EFR3B: variants seen among roughly 807,000 people sequenced by gnomAD.
EFR3B encodes EFR3 homolog B, also known as protein EFR3 homolog B.
EFR3B carries 64 observed loss-of-function variants against 104.7 expected under a neutral mutation model. That is an observed-to-expected ratio of 0.61 (90% CI 0.50 to 0.75). EFR3B has a LOEUF of 0.75. Ranked by LOEUF, EFR3B falls within the 30% of genes least tolerant of loss-of-function variation. The pLI is 0.00. For synonymous variants in EFR3B, 385 were observed against 417.9 expected (o/e 0.92, Z 0.96); for missense variants, 750 against 1,078.5 (o/e 0.70, Z 4.27).
intron 1 of EFR3B, among the ~76,000 whole-genome samples, chr2:25,057,645 G>A (rs952853715): frequency 3.3e-5 from 5 of 152,212 alleles, no homozygotes; most frequent in South Asian, 4.2e-4. Flanking sequence ...AGCTGGGCAC[G>A]GTGGCACATG....
At chr2:25,121,502 C>T (rs1043900051) in intron 4 of EFR3B, among the ~76,000 whole-genome samples, 171 bp from the exon 5 acceptor site, 4 of 152,120 alleles carry the variant, frequency 2.6e-5, no homozygotes, top group Admixed American at 6.5e-5. Context: ...ACAGGAGAGG[C>T]GAGCGGGATT....
At position 25,123,016 on chromosome 2, in the gene EFR3B, C is replaced by G. The variant is rs1558611043; in HGVS notation, c.485+1222C>G. 2.6e-5 allele frequency among the ~76,000 whole-genome samples: 4 copies of G among 152,170 alleles called. No homozygotes were observed. In the South Asian group the frequency reaches 6.2e-4, roughly 24 times the overall value. ...ACACATACTCCAATTTATAAAAACA[C>G]TTAGCTCACAGAAGCATACTTGGAC... On this transcript the variant is annotated intron_variant, in intron 5 of 22. Transcript: ENST00000403714.
At chr2:25,142,159 C>A (rs549336005) in intron 17 of EFR3B, among the ~76,000 whole-genome samples, 1 of 151,412 alleles carries the variant, frequency 6.6e-6, no homozygotes, top group Non-Finnish European at 1.5e-5. Flanking sequence ...AAATTTTGCC[C>A]GGGCTGGGCA....
At chr2:25,099,951 C>T (rs1018941272) in intron 3 of EFR3B, among the ~76,000 whole-genome samples, 1 of 151,828 alleles carries the variant, frequency 6.6e-6, no homozygotes, top group Non-Finnish European at 1.5e-5. Context: ...ACCTGTAACC[C>T]GAGCAATTTG....
intron 2 of EFR3B, among the ~76,000 whole-genome samples, chr2:25,092,515 A>C (rs1048846230): frequency 6.6e-6 from 1 of 151,834 alleles, no homozygotes; most frequent in East Asian, 1.9e-4. Flanking sequence ...ACATGCACAC[A>C]CATATATACA....
At chr2:25,050,348 G>A (rs1667832025) in intron 1 of EFR3B, among the ~76,000 whole-genome samples, 1 of 152,128 alleles carries the variant, frequency 6.6e-6, no homozygotes, top group African/African-American at 2.4e-5. Context: ...AGCCACAGGT[G>A]TGGCTTAAGG....
intron 1 of EFR3B, among the ~76,000 whole-genome samples, chr2:25,084,782 G>C (rs1668904866): frequency 6.6e-6 from 1 of 152,206 alleles, no homozygotes; most frequent in Non-Finnish European, 1.5e-5. Context: ...CAGGCCATAG[G>C]TAGATAAAAG....
chr2:25,080,922 G>A (rs930575224), intron 1 of EFR3B: 1 of 771,784 alleles, frequency 1.3e-6, no homozygotes, highest in Middle Eastern at 3.6e-4. Flanking sequence ...AATATTAGGT[G>A]GAAATCCCAT....
In EFR3B at chr2:25,080,443, C is replaced by T. The variant is rs142435031; in HGVS notation, c.8-10882C>T. Among the ~76,000 whole-genome samples, 1,270 of 151,632 alleles carry T rather than the reference C, an allele frequency of 8.4e-3. 15 individuals carry two copies. Among genetic ancestry groups the T allele is most frequent in the African/African-American group, 0.029 (1,197 of 41,282 alleles). ...CTGAGTAGCTGGGATTACAGGTGTC[C>T]GCCATCACACCTGGCTAATTTTTGT... On this transcript the variant is annotated intron_variant, in intron 1 of 22. Coordinates refer to ENST00000403714, the MANE Select transcript of EFR3B (RefSeq NM_014971.2).
intron 21 of EFR3B, 124 bp downstream of exon 21, chr2:25,152,144 C>T (rs755148615): frequency 9.8e-6 from 9 of 920,022 alleles, no homozygotes; most frequent in Non-Finnish European, 1.3e-5. Context: ...CACCCCCACC[C>T]TGCCAGACAT....
In EFR3B at chr2:25,134,430, A is replaced by G. The variant is rs547829121; in HGVS notation, c.1311+996A>G. On this transcript the variant is annotated intron_variant, in intron 12 of 22. Coordinates refer to ENST00000403714, the MANE Select transcript of EFR3B (RefSeq NM_014971.2). ...AGTGATCCACCTGCCTCGGCCTCCC[A>G]AAGTGTTGGGATTACAGGCATGAGC... 3.7e-4 allele frequency among the ~76,000 whole-genome samples: 56 copies of G among 152,278 alleles called. No homozygotes were observed. The South Asian group carries it at 7.5e-3, about 20-fold the overall frequency.
At chr2:25,123,201 AAAAAT>A (rs1487379149) in intron 5 of EFR3B, among the ~76,000 whole-genome samples, 5 of 151,858 alleles carry the variant, frequency 3.3e-5, no homozygotes, top group Non-Finnish European at 5.9e-5. Context: ...CACCTCCACA[AAAAAT>A]AAAATTAGCT....
Position 25,089,309 on chromosome 2 carries a change from C to T in EFR3B, c.8-2016C>T, listed in dbSNP as rs190396936. Among the ~76,000 whole-genome samples, 393 of 152,294 alleles carry T rather than the reference C, an allele frequency of 2.6e-3. 8 individuals carry two copies. Among genetic ancestry groups the T allele is most frequent in the Admixed American group, 3.5e-3 (53 of 15,306 alleles). On this transcript the variant is annotated intron_variant, in intron 1 of 22. Coordinates refer to ENST00000403714, the MANE Select transcript of EFR3B (RefSeq NM_014971.2). ...TGAGTACCCAGGATGGTATTGAGCTCTCTCCTTGACAAGCCTGGGTTCTAG... is the reference window on the plus strand; with the variant it reads ...TGAGTACCCAGGATGGTATTGAGCTTTCTCCTTGACAAGCCTGGGTTCTAG...
In EFR3B at chr2:25,158,601, G is replaced by C. The variant is rs4665285; in HGVS notation, c.*4261G>C. 0.2 allele frequency: 30,467 copies of C among 152,820 alleles called. 3,719 individuals are homozygous for C. The highest frequency in any genetic ancestry group is 0.35 in the Admixed American group (5,290 of 15,286). The allele number at this position is 152,820 out of a possible 1,614,324, so 9.5% of individuals were successfully genotyped here. The stretch of plus-strand genomic sequence containing the variant: ...GACGCGGTATGGCAGGGACAGGAGG[G>C]CGGCAGGAAGGGCTTTGTGGCCCTG... On this transcript the variant is annotated 3_prime_UTR_variant, in exon 23 of 23. Coordinates refer to ENST00000403714, the MANE Select transcript of EFR3B (RefSeq NM_014971.2).
chr2:25,107,892 G>A (rs1669609697), intron 4 of EFR3B, among the ~76,000 whole-genome samples: 1 of 151,254 alleles, frequency 6.6e-6, no homozygotes, highest in South Asian at 2.1e-4. Context: ...TGCCCAGTCT[G>A]GAGTGCAGTG....
At position 25,137,612 on chromosome 2, in the gene EFR3B, C is replaced by G; in HGVS notation, c.1722+110C>G. 6.9e-7 allele frequency: 1 copy of G among 1,449,990 alleles called. No individual in the cohort carries two copies. The highest frequency in any genetic ancestry group is 2.2e-5 in the Admixed American group (1 of 45,308). 89.8% of individuals were successfully genotyped at this position (1,449,990 alleles called of 1,614,324 possible). A position where few individuals can be genotyped will look rare whatever the true frequency, so the allele number is the denominator to read the frequency against. On this transcript the variant is annotated intron_variant, in intron 15 of 22. Coordinates refer to ENST00000403714, the MANE Select transcript of EFR3B (RefSeq NM_014971.2). This position sits in a 1 kb window ranked among gnomAD's most constrained non-coding sequence, Gnocchi z 4.7. ...GCAACTGCTTAACACTGTTTTGGAG[C>G]CCAGGAATATTGTACTCGTGGTTGG...
intron 2 of EFR3B, among the ~76,000 whole-genome samples, chr2:25,092,403 TACACAC>T (rs35598238): frequency 7.0e-6 from 1 of 143,154 alleles, no homozygotes; most frequent in Admixed American, 6.9e-5. Flanking sequence ...CATCCATTCC[TACACAC>T]ACACACACAC....
At chr2:25,127,154 T>C (rs1357227885) in intron 5 of EFR3B, among the ~76,000 whole-genome samples, 2 of 137,732 alleles carry the variant, frequency 1.5e-5, no homozygotes, top group African/African-American at 5.5e-5. Context: ...ATCGCACCAT[T>C]GCACTCCAGC....
At chr2:25,061,459 A>G (rs1668193137) in intron 1 of EFR3B, among the ~76,000 whole-genome samples, 1 of 151,222 alleles carries the variant, frequency 6.6e-6, no homozygotes, top group Non-Finnish European at 1.5e-5. Context: ...GGCAACGTAG[A>G]TGGCCTACTC....
Sources: gnomAD v4.1 joint callset for allele counts (sites outside exome capture counted in the v4.1 genomes callset) on GRCh38, gnomAD v4.1.1 for gene constraint, Gnocchi (gnomAD v3.1) non-coding constraint, MANE v1.5 for transcripts, NCBI Gene and HGNC (gene_info 2026-07-23, HGNC 2026-07-21) for gene names.